The following SCD5 variants were observed in gnomAD, a reference collection of about 807,000 sequenced individuals.
The protein encoded by SCD5 is stearoyl-CoA desaturase 5, also known as acyl-CoA-desaturase 4.
SCD5 carries 20 observed loss-of-function variants against 30.4 expected under a neutral mutation model. The observed-to-expected ratio is 0.66, with a 90% confidence interval of 0.46 to 0.96. SCD5 has a LOEUF of 0.96. Ranked by LOEUF, SCD5 falls within the 40% of genes least tolerant of loss-of-function variation. The pLI, the probability that SCD5 is intolerant of heterozygous loss-of-function variation, is 0.00. For missense variants in SCD5, 381 were observed against 443.3 expected, an observed-to-expected ratio of 0.86 and a Z score of 1.26; for synonymous variants, 173 against 176.4, an observed-to-expected ratio of 0.98 and a Z score of 0.16.
chr4:82,698,129 GGAA>G (rs1328018298), intron 2 of SCD5: 6 of 456,366 alleles, frequency 1.3e-5, no homozygotes, highest in Admixed American at 4.7e-5. Context: ...CATCTTGAAA[GGAA>G]GAAGGCAAAC....
intron 2 of SCD5, among the ~76,000 whole-genome samples, chr4:82,698,268 A>G (rs1438294366): frequency 1.3e-5 from 2 of 152,136 alleles, no homozygotes; most frequent in Non-Finnish European, 1.5e-5. Context: ...ACATAAGGTT[A>G]AGGATTCCTG....
chr4:82,779,093 G>A (rs1476404782), intron 1 of SCD5, among the ~76,000 whole-genome samples: 1 of 151,678 alleles, frequency 6.6e-6, no homozygotes, highest in African/African-American at 2.4e-5. Flanking sequence ...TCGAACTCCC[G>A]ACCTCAGGTG....
chr4:82,642,649 T>G (rs760912482), intron 3 of SCD5, among the ~76,000 whole-genome samples: 5 of 152,196 alleles, frequency 3.3e-5, no homozygotes, highest in Non-Finnish European at 7.4e-5. Context: ...CCTTCTCATC[T>G]CTCAGTATTC....
At chr4:82,745,624 G>A (rs1411907682) in intron 1 of SCD5, among the ~76,000 whole-genome samples, 4 of 152,150 alleles carry the variant, frequency 2.6e-5, no homozygotes, top group Admixed American at 2.6e-4. Context: ...ATTAAGACCA[G>A]CACCCATTAG....
At chr4:82,679,768 C>A (rs1728529380) in intron 3 of SCD5, among the ~76,000 whole-genome samples, 1 of 152,146 alleles carries the variant, frequency 6.6e-6, no homozygotes, top group Admixed American at 6.6e-5. Flanking sequence ...AGAGCACAGT[C>A]CTAAGCCATC....
In SCD5 at chr4:82,636,309, G is replaced by C. The variant is rs1340259883; in HGVS notation, c.802+282C>G. Reference sequence around the variant, plus strand: ...AAAAAAAAAATACAAAAATTAGCCAGGGATAGTGGTGGATGCCTGTAATCC... The same window carrying C: ...AAAAAAAAAATACAAAAATTAGCCACGGATAGTGGTGGATGCCTGTAATCC... On this transcript the variant is annotated intron_variant, in intron 4 of 4. Transcript: ENST00000319540. Among the ~76,000 whole-genome samples, 4 of 152,100 alleles carry C rather than the reference G, an allele frequency of 2.6e-5. No individual in the cohort carries two copies. In the East Asian group the frequency reaches 7.7e-4, roughly 29 times the overall value.
chr4:82,665,051 TACACACACAC>T (rs1553914975), intron 3 of SCD5, among the ~76,000 whole-genome samples: 2 of 80,396 alleles, frequency 2.5e-5, no homozygotes, highest in African/African-American at 9.4e-5. Flanking sequence ...CACACATATA[TACACACACAC>T]ATATATATAT....
At chr4:82,774,683 C>T (rs1436569208) in intron 1 of SCD5, among the ~76,000 whole-genome samples, 1 of 152,182 alleles carries the variant, frequency 6.6e-6, no homozygotes, top group Non-Finnish European at 1.5e-5. Flanking sequence ...CCACCCTTTG[C>T]TCCTCCCAGC....
chr4:82,752,489 C>G (rs1721125972), intron 1 of SCD5, among the ~76,000 whole-genome samples: 1 of 152,106 alleles, frequency 6.6e-6, no homozygotes, highest in African/African-American at 2.4e-5. Flanking sequence ...AAACCAAAAG[C>G]TGTCACTATA....
intron 1 of SCD5, among the ~76,000 whole-genome samples, chr4:82,746,670 G>C (rs1339968309): frequency 6.6e-6 from 1 of 152,116 alleles, no homozygotes; most frequent in Admixed American, 6.5e-5. Flanking sequence ...GAGACCAAAA[G>C]TTTTGAAGAC....
intron 2 of SCD5, among the ~76,000 whole-genome samples, chr4:82,694,883 C>T (rs2148825023): frequency 6.6e-6 from 1 of 152,262 alleles, no homozygotes; most frequent in South Asian, 2.1e-4. Flanking sequence ...CAAGGGTTAA[C>T]TGTAATCGTA....
In SCD5 at chr4:82,636,740, T is replaced by C. The variant is rs749522189; in HGVS notation, c.653A>G (p.Asn218Ser). 1 of 1,614,070 alleles carries C rather than the reference T, an allele frequency of 6.2e-7. No homozygotes were observed. The highest frequency in any genetic ancestry group is 8.5e-7 in the Non-Finnish European group (1 of 1,179,954). Reference protein sequence around the residue: ...PWYIWGESLWNSYFLASILRY... With the variant: ...PWYIWGESLWSSYFLASILRY... Reference sequence around the variant, plus strand: ...GAGAATAGAGGCCAAGAAGTAGGAATTCCACAGACTCTCTCCCCAGATGTA... The same window carrying C: ...GAGAATAGAGGCCAAGAAGTAGGAACTCCACAGACTCTCTCCCCAGATGTA... Residue 218 changes from asparagine (N) to serine (S), a missense_variant, in exon 4 of 5, where the codon AAT becomes AGT. Physicochemically the swap from Asn to Ser is conservative, Grantham distance 46 (BLOSUM62 1). Coordinates refer to ENST00000319540, the MANE Select transcript of SCD5 (RefSeq NM_001037582.3).
chr4:82,765,375 T>A (rs1477724406), intron 1 of SCD5, among the ~76,000 whole-genome samples: 4 of 152,170 alleles, frequency 2.6e-5, no homozygotes, highest in Non-Finnish European at 4.4e-5. Flanking sequence ...CTTGTTTTTT[T>A]CCTCTGTCTA....
intron 2 of SCD5, among the ~76,000 whole-genome samples, chr4:82,687,230 C>T (rs977746110): frequency 6.7e-5 from 10 of 148,770 alleles, no homozygotes; most frequent in Non-Finnish European, 7.5e-5. Flanking sequence ...AAGAAAAGTA[C>T]TTCTCAAAAC....
chr4:82,755,712 A>C (rs559071849), intron 1 of SCD5, among the ~76,000 whole-genome samples: 1 of 152,218 alleles, frequency 6.6e-6, no homozygotes, highest in African/African-American at 2.4e-5. Flanking sequence ...CACTATTATC[A>C]TATTTCATAT....
chr4:82,638,789 G>A (rs944379023), intron 3 of SCD5, among the ~76,000 whole-genome samples: 1 of 152,210 alleles, frequency 6.6e-6, no homozygotes, highest in African/African-American at 2.4e-5. Context: ...AGTACTACAG[G>A]GTTGTTGTGA....
At position 82,749,702 on chromosome 4, in the gene SCD5, A is replaced by G. The variant is rs532351403; in HGVS notation, c.233-44289T>C. ...CAGAGAAATAGTCTCAAATACCAAC[A>G]TTATACAACTTCACTCTAAATCATC... On this transcript the variant is annotated intron_variant, in intron 1 of 4. Transcript: ENST00000319540. Among the ~76,000 whole-genome samples, 13 of 152,324 alleles carry G rather than the reference A, an allele frequency of 8.5e-5. 1 individual carries two copies. In the South Asian group the frequency reaches 2.5e-3, roughly 29 times the overall value.
chr4:82,677,542 A>G (rs1560531045), intron 3 of SCD5, among the ~76,000 whole-genome samples: 1 of 152,234 alleles, frequency 6.6e-6, no homozygotes, highest in Non-Finnish European at 1.5e-5. Flanking sequence ...GGACCGGTAA[A>G]GCCAGCTTCA....
At chr4:82,780,680 C>T (rs1022705367) in intron 1 of SCD5, among the ~76,000 whole-genome samples, 3 of 152,252 alleles carry the variant, frequency 2.0e-5, no homozygotes, top group Non-Finnish European at 4.4e-5. Flanking sequence ...AATTAATATC[C>T]ACCAGAAATG....
Sources: allele counts gnomAD v4.1 joint callset (sites outside exome capture counted in the v4.1 genomes callset), GRCh38; gene constraint gnomAD v4.1.1; transcripts MANE v1.5; gene names NCBI Gene and HGNC (gene_info 2026-07-23, HGNC 2026-07-21).